ZNF331: variants seen among roughly 807,000 people sequenced by gnomAD.
ZNF331 encodes the protein zinc finger protein 331, also known as C2H2-like zinc finger protein rearranged in thyroid adenomas.
ZNF331 carries 2 observed loss-of-function variants against 7.0 expected under a neutral mutation model. The ratio of observed to expected loss-of-function variants is 0.29; its 90% CI spans 0.12 to 0.90. The LOEUF (loss-of-function observed/expected upper bound fraction) is 0.90. Among genes scored for constraint, ZNF331 ranks in the 40% least tolerant of loss-of-function variants. The pLI, the probability that ZNF331 is intolerant of heterozygous loss-of-function variation, is 0.58. For missense variants in ZNF331, 432 were observed against 587.7 expected (o/e 0.74, Z 2.74); for synonymous variants, 196 against 205.4 (o/e 0.95, Z 0.39).
intron 2 of ZNF331, among the ~76,000 whole-genome samples, chr19:53,530,591 T>C (rs1054275737): frequency 3.9e-5 from 6 of 152,238 alleles, no homozygotes; most frequent in Non-Finnish European, 1.5e-5. Context: ...TGCTGGGCCA[T>C]CATGGCTTGA....
intron 2 of ZNF331, among the ~76,000 whole-genome samples, chr19:53,547,519 A>G (rs1349169737): frequency 1.3e-5 from 2 of 152,176 alleles, no homozygotes; most frequent in South Asian, 2.1e-4. Context: ...GCCATGACAT[A>G]CTAATTTCAT....
intron 2 of ZNF331, among the ~76,000 whole-genome samples, chr19:53,530,120 A>G (rs1018061309): frequency 2.0e-5 from 3 of 152,136 alleles, no homozygotes; most frequent in Non-Finnish European, 4.4e-5. Context: ...GGGAGCAGGC[A>G]CGTCACATGG....
chr19:53,513,549 T>A, the ZNF331 span, among the ~76,000 whole-genome samples: 1 of 152,172 alleles, frequency 6.6e-6, no homozygotes, highest in Non-Finnish European at 1.5e-5. Flanking sequence ...ACCTTTTGTC[T>A]TTTTAATAAT....
rs898516450 is a variant in ZNF331 at position 53,560,752 on chromosome 19, G to A, written c.-74+4844G>A. Among the ~76,000 whole-genome samples, 1 of 152,098 alleles carries A rather than the reference G, an allele frequency of 6.6e-6. No homozygotes were observed. Among genetic ancestry groups the A allele is most frequent in the East Asian group, 1.9e-4 (1 of 5,186 alleles). Reference sequence around the variant, plus strand: ...CCATCAGCAAAGCCTGAAAAGACAAGTCCTTTTTCCGTCACACCACTCTGA... The same window carrying A: ...CCATCAGCAAAGCCTGAAAAGACAAATCCTTTTTCCGTCACACCACTCTGA... On this transcript the variant is annotated intron_variant, in intron 3 of 5. Coordinates refer to ENST00000449416, the MANE Select transcript of ZNF331 (RefSeq NM_001079906.2). The surrounding 1 kb of genome is among the most constrained non-coding windows in gnomAD (Gnocchi z 4.3).
intron 1 of ZNF331, 95 bp downstream of exon 1, chr19:53,538,391 C>T (rs2087884967): frequency 6.6e-6 from 1 of 152,238 alleles, no homozygotes; most frequent in Non-Finnish European, 1.5e-5. Context: ...CAGCCGGGCT[C>T]TCCCCATAAC....
chr19:53,508,237 T>C, the ZNF331 span, among the ~76,000 whole-genome samples: 5 of 152,168 alleles, frequency 3.3e-5, no homozygotes, highest in South Asian at 4.1e-4. Flanking sequence ...TATCTGGCGG[T>C]TGGGGAGGCC....
At chr19:53,559,738 T>TA (rs1457813960) in intron 3 of ZNF331, among the ~76,000 whole-genome samples, 2 of 57,172 alleles carry the variant, frequency 3.5e-5, no homozygotes, top group Non-Finnish European at 6.6e-5. Flanking sequence ...TATATACACA[T>TA]ATACACCATA....
At chr19:53,507,535 A>G in the ZNF331 span, among the ~76,000 whole-genome samples, 1 of 152,182 alleles carries the variant, frequency 6.6e-6, no homozygotes, top group Non-Finnish European at 1.5e-5. Context: ...GGTCTGAAGC[A>G]AAGCTATGGC....
chr19:53,538,121 G>A (rs370229197), upstream of ZNF331: 4 of 152,456 alleles, frequency 2.6e-5, no homozygotes, highest in East Asian at 3.9e-4. Context: ...GGCCTCCAGG[G>A]GGTGGCGGGA....
chr19:53,536,058 C>T (rs546462716), upstream of ZNF331, among the ~76,000 whole-genome samples: 5 of 152,200 alleles, frequency 3.3e-5, no homozygotes, highest in Non-Finnish European at 7.3e-5. Context: ...CTCACCTTGG[C>T]TTCCCAAAGT....
At chr19:53,546,061 C>T (rs1409188204) in intron 2 of ZNF331, among the ~76,000 whole-genome samples, 1 of 149,988 alleles carries the variant, frequency 6.7e-6, no homozygotes, top group African/African-American at 2.4e-5. Context: ...CTAATGCAGC[C>T]TGTGCTCCAG....
chr19:53,576,741 A>C lies in ZNF331; in HGVS notation c.181A>C (p.Asn61His). Residue 61 changes from asparagine (N) to histidine (H), a missense_variant, in exon 6 of 6, where the codon AAC becomes CAC. This residue lies in a region of ZNF331 where 81 missense variants were observed against 70.3 expected (regional missense o/e 1.15). Transcript: ENST00000449416. The stretch of plus-strand genomic sequence containing the variant: ...AAATAAGAGTTTACCTACAGAAAAA[A>C]ACATTCATGAAATAAGGGCTTCCAA... The part of the protein sequence containing the change: ...YENKSLPTEK[N>H]IHEIRASKRN... 6.2e-7 allele frequency: 1 copy of C among 1,612,148 alleles called. No individual in the cohort carries two copies. Among genetic ancestry groups the C allele is most frequent in the Non-Finnish European group, 8.5e-7 (1 of 1,179,480 alleles).
intron 2 of ZNF331, among the ~76,000 whole-genome samples, chr19:53,553,402 G>A (rs559429685): frequency 6.6e-6 from 1 of 152,138 alleles, no homozygotes; most frequent in South Asian, 2.1e-4. Context: ...ATCACCAATT[G>A]GTGTAACCAG....
At chr19:53,572,622 CAT>C (rs1290163635) in intron 5 of ZNF331, among the ~76,000 whole-genome samples, 5 of 62,108 alleles carry the variant, frequency 8.1e-5, no homozygotes, top group African/African-American at 4.4e-4. Context: ...TATATATACA[CAT>C]ATATACATAT....
intron 2 of ZNF331, among the ~76,000 whole-genome samples, chr19:53,548,919 C>T (rs1043214226): frequency 2.0e-5 from 3 of 151,754 alleles, no homozygotes; most frequent in African/African-American, 7.3e-5. Flanking sequence ...ACGATCTCGG[C>T]TCACTGCAAC....
chr19:53,513,319 G>A, the ZNF331 span, among the ~76,000 whole-genome samples: 16 of 151,768 alleles, frequency 1.1e-4, no homozygotes, highest in Non-Finnish European at 2.2e-4. Flanking sequence ...TCCTTCAGAC[G>A]CATACTCAGA....
At position 53,569,299 on chromosome 19, in the gene ZNF331, C is replaced by A; in HGVS notation, c.-73-5C>A. On this transcript the variant is annotated splice_region_variant and splice_polypyrimidine_tract_variant and intron_variant, in intron 3 of 5. Coordinates refer to ENST00000449416, the MANE Select transcript of ZNF331 (RefSeq NM_001079906.2). ...TCGTTTTAATCTCTTTTTTTCCACC[C>A]CTAGCTCTAGCCTCTCGGAATTTGT... 1.3e-6 allele frequency: 2 copies of A among 1,541,984 alleles called. No individual in the cohort carries two copies. Among genetic ancestry groups the A allele is most frequent in the Non-Finnish European group, 1.8e-6 (2 of 1,119,168 alleles).
upstream of ZNF331, among the ~76,000 whole-genome samples, chr19:53,536,778 C>G (rs770628107): frequency 6.6e-6 from 1 of 152,190 alleles, no homozygotes; most frequent in Non-Finnish European, 1.5e-5. Context: ...TAGCGCATGC[C>G]TGTCATCCCA....
In ZNF331 at chr19:53,577,533, A is replaced by T; in HGVS notation, c.973A>T (p.Lys325Ter). 1 of 1,612,890 alleles carries T rather than the reference A, an allele frequency of 6.2e-7. No individual in the cohort carries two copies. The change falls in exon 6 of 6, where the codon AAG (lysine) becomes TAG (stop). Residue 325 changes from lysine (K) to a stop codon, truncating the protein, a stop_gained. Transcript: ENST00000449416. LOFTEE classifies it low-confidence loss of function (END_TRUNC). ...GCATCAGAAGATCCACACCGGTGAG[A>T]AGCCTCACGAATGTAAGGAGTGTGG... ...TQHQKIHTGEKPHECKECGKA... is the reference protein window; with the variant it reads ...TQHQKIHTGE
Sources: allele counts gnomAD v4.1 joint callset (sites outside exome capture counted in the v4.1 genomes callset), GRCh38; gene constraint gnomAD v4.1.1; regional missense constraint gnomAD v4.1.1; non-coding constraint Gnocchi (gnomAD v3.1); transcripts MANE v1.5; gene names NCBI Gene and HGNC (gene_info 2026-07-23, HGNC 2026-07-21).